The following MELK variants were observed in gnomAD, a reference collection of about 807,000 sequenced individuals.
MELK encodes the protein pEg3 kinase.
MELK carries 81 observed loss-of-function variants against 85.0 expected under a neutral mutation model. The ratio of observed to expected loss-of-function variants is 0.95; its 90% confidence interval spans 0.80 to 1.15. The LOEUF (loss-of-function observed/expected upper bound fraction) is 1.15. Among genes scored for constraint, MELK ranks in the 50% most tolerant of loss-of-function variants. The pLI, the probability that MELK is intolerant of heterozygous loss-of-function variation, is 0.00. For missense variants in MELK, 754 were observed against 777.5 expected (o/e 0.97, Z 0.36); for synonymous variants, 252 against 265.0 (o/e 0.95, Z 0.48).
chr9:36,590,281 T>G (rs1264181487), intron 4 of MELK, among the ~76,000 whole-genome samples: 2 of 152,122 alleles, frequency 1.3e-5, no homozygotes, highest in Non-Finnish European at 2.9e-5. Flanking sequence ...TACTACAGAC[T>G]TGGTGGCTTA....
intron 2 of MELK, 50 bp downstream of exon 2, chr9:36,581,789 G>A (rs1341022451): frequency 6.9e-7 from 1 of 1,449,478 alleles, no homozygotes; most frequent in Non-Finnish European, 9.6e-7. Flanking sequence ...CTATTTGAGA[G>A]TATAGATTAT....
chr9:36,593,828 A>T, intron 4 of MELK, among the ~76,000 whole-genome samples: 1 of 152,082 alleles, frequency 6.6e-6, no homozygotes, highest in East Asian at 1.9e-4. Context: ...AGTAGCTGGG[A>T]TTACAGGCGC....
intron 8 of MELK, among the ~76,000 whole-genome samples, chr9:36,620,434 G>A (rs997342531): frequency 6.6e-6 from 1 of 152,052 alleles, no homozygotes; most frequent in Admixed American, 6.6e-5. Context: ...CAGCATTAGA[G>A]CATTGCAGTA....
At chr9:36,586,594 G>C (rs1822926708) in intron 3 of MELK, among the ~76,000 whole-genome samples, 1 of 152,002 alleles carries the variant, frequency 6.6e-6, no homozygotes. Flanking sequence ...TTAAACATGA[G>C]TATCAATTAG....
At chr9:36,630,477 T>A in intron 9 of MELK, 110 bp downstream of exon 9, 1 of 840,428 alleles carries the variant, frequency 1.2e-6, no homozygotes, top group South Asian at 1.5e-5. Flanking sequence ...ATCCCACTCA[T>A]ATCTACCTTG....
At position 36,642,983 on chromosome 9, in the gene MELK, A is replaced by AT. The variant is rs764311035; in HGVS notation, c.835-5dup. 1.4e-4 allele frequency: 227 copies of AT among 1,566,154 alleles called. No individual in the cohort carries two copies. Among genetic ancestry groups the AT allele is most frequent in the Admixed American group, 2.7e-4 (15 of 54,618 alleles). On this transcript the variant is annotated splice_polypyrimidine_tract_variant and intron_variant, in intron 10 of 17. Coordinates refer to ENST00000298048, the MANE Select transcript of MELK (RefSeq NM_014791.4). The stretch of plus-strand genomic sequence containing the variant: ...TAATTTTTTGTTAATAAAGTGCATA[A>AT]TTTTTTTTTGTAGTTTATTCACCTC...
chr9:36,653,976 G>T lies in MELK; in HGVS notation c.1053+2099G>T, dbSNP rs373974907. Among the ~76,000 whole-genome samples, 7 of 151,660 alleles carry T rather than the reference G, an allele frequency of 4.6e-5. No individual in the cohort carries two copies. The South Asian group carries it at 8.4e-4, about 18-fold the overall frequency. On this transcript the variant is annotated intron_variant, in intron 12 of 17. Transcript: ENST00000298048. Reference sequence around the variant, plus strand: ...GCCCCTCTTTTTCCCTCCCTAGTTGGTCAGTGCACTGGCTGTTGTGTAAAG... The same window carrying T: ...GCCCCTCTTTTTCCCTCCCTAGTTGTTCAGTGCACTGGCTGTTGTGTAAAG...
Position 36,665,450 on chromosome 9 carries a change from T to G in MELK, c.1277T>G (p.Val426Gly), listed in dbSNP as rs548729347. Reference protein sequence around the residue: ...PANKLKNKENVYTPKSAVKNE... With the variant: ...PANKLKNKENGYTPKSAVKNE... The stretch of plus-strand genomic sequence containing the variant: ...AATAAATTAAAGAACAAAGAAAATG[T>G]ATATACTCCTAAGTCTGCTGTAAAG... The change falls in exon 14 of 18, where the codon GTA becomes GGA. Residue 426 changes from valine (V) to glycine (G), a missense_variant. Coordinates refer to ENST00000298048, the MANE Select transcript of MELK (RefSeq NM_014791.4). 1 of 1,613,142 alleles carries G rather than the reference T, an allele frequency of 6.2e-7. No homozygotes were observed. The highest frequency in any genetic ancestry group is 1.7e-5 in the Admixed American group (1 of 60,006).
chr9:36,580,038 C>CT lies in MELK; in HGVS notation c.-38-1584dup, dbSNP rs58166111. 9.3e-3 allele frequency among the ~76,000 whole-genome samples: 1,099 copies of CT among 117,938 alleles called. 16 individuals are homozygous for CT. Among genetic ancestry groups the CT allele is most frequent in the African/African-American group, 0.018 (598 of 32,480 alleles). 77.4% of individuals were successfully genotyped at this position (117,938 alleles called of 152,430 possible). A position where few individuals can be genotyped will look rare whatever the true frequency, so the allele number is the denominator to read the frequency against. On this transcript the variant is annotated intron_variant, in intron 1 of 17. Transcript: ENST00000298048. ...ACTACTGATAATTTTTTCATGTCTT[C>CT]TTTTTTTTTTTTTTTTTTTTTTATT...
intron 8 of MELK, among the ~76,000 whole-genome samples, chr9:36,622,245 T>G (rs1827516750): frequency 1.3e-5 from 2 of 152,338 alleles, no homozygotes; most frequent in South Asian, 2.1e-4. Flanking sequence ...TAATCTTGGC[T>G]CAGAACTATT....
chr9:36,636,782 T>TTCTTTCTTTCTGTCTGTCTG lies in MELK; in HGVS notation c.834+3585_834+3586insTTCTTTCTGTCTGTCTGTCT, dbSNP rs71494635. Among the ~76,000 whole-genome samples, 498 of 107,606 alleles carry TTCTTTCTTTCTGTCTGTCTG rather than the reference T, an allele frequency of 4.6e-3. 5 individuals carry two copies. The highest frequency in any genetic ancestry group is 0.017 in the Middle Eastern group (4 of 232). The allele number at this position is 107,606 out of a possible 152,430, so 70.6% of individuals were successfully genotyped here. A position where few individuals can be genotyped will look rare whatever the true frequency, so the allele number is the denominator to read the frequency against. Reference sequence around the variant, plus strand: ...TTTCTTTCTTTCTTTCTTTCTTTCTTTCTGTCTGTCTTTCTTTCTTTCTGT... The same window carrying TTCTTTCTTTCTGTCTGTCTG: ...TTTCTTTCTTTCTTTCTTTCTTTCTTTCTTTCTTTCTGTCTGTCTGTCTGTCTGTCTTTCTTTCTTTCTGT... On this transcript the variant is annotated intron_variant, in intron 10 of 17. Coordinates refer to ENST00000298048, the MANE Select transcript of MELK (RefSeq NM_014791.4).
chr9:36,641,651 A>T, intron 10 of MELK, among the ~76,000 whole-genome samples: 1 of 135,750 alleles, frequency 7.4e-6, no homozygotes, highest in African/African-American at 2.8e-5. Flanking sequence ...GTTGTTGCCC[A>T]GCCTGGAGTG....
In MELK at chr9:36,585,269, ATCTTTTTTT is replaced by A. The variant is rs1024616475; in HGVS notation, c.144+1561_144+1569del. Among the ~76,000 whole-genome samples, 5 of 124,174 alleles carry A rather than the reference ATCTTTTTTT, an allele frequency of 4.0e-5. No homozygotes were observed. The South Asian group carries it at 7.9e-4, about 20-fold the overall frequency. The allele number at this position is 124,174 out of a possible 152,430, so 81.5% of individuals were successfully genotyped here. A position where few individuals can be genotyped will look rare whatever the true frequency, so the allele number is the denominator to read the frequency against. ...CCAGTGTTTGAAGTCACCTTGAGTC[ATCTTTTTTT>A]TCTAATTCCTTCTACCATTCTTTGT... On this transcript the variant is annotated intron_variant, in intron 3 of 17. Transcript: ENST00000298048.
chr9:36,637,571 T>C (rs974996134), intron 10 of MELK, among the ~76,000 whole-genome samples: 4 of 152,212 alleles, frequency 2.6e-5, no homozygotes, highest in African/African-American at 9.6e-5. Context: ...TTCTCTGATA[T>C]GTCACCAAAA....
chr9:36,674,554 T>C (rs1247224573), intron 16 of MELK, among the ~76,000 whole-genome samples: 5 of 152,198 alleles, frequency 3.3e-5, no homozygotes, highest in Admixed American at 6.5e-5. Context: ...AGATGGGTGC[T>C]CTTTAATATT....
chr9:36,665,288 T>C, intron 13 of MELK, 62 bp from the exon 14 acceptor site: 1 of 965,950 alleles, frequency 1.0e-6, no homozygotes, highest in Non-Finnish European at 1.6e-6. Flanking sequence ...GATCAAGGAA[T>C]GTTGTAAAGA....
In MELK at chr9:36,657,791, G is replaced by GC. The variant is rs1831402376; in HGVS notation, c.1176+429dup. Among the ~76,000 whole-genome samples, 4 of 152,064 alleles carry GC rather than the reference G, an allele frequency of 2.6e-5. No homozygotes were observed. In the South Asian group the frequency reaches 6.2e-4, roughly 24 times the overall value. ...GTAGAGACAGGGTTTCACCATGTTG[G>GC]CAGCTGGTCTCGAACTCCTGACCTC... On this transcript the variant is annotated intron_variant, in intron 13 of 17. Transcript: ENST00000298048.
intron 1 of MELK, among the ~76,000 whole-genome samples, chr9:36,577,330 T>C (rs908349436): frequency 2.0e-5 from 3 of 151,818 alleles, no homozygotes; most frequent in Non-Finnish European, 2.9e-5. Flanking sequence ...CTGGCCAACA[T>C]GGCGAAACCC....
At chr9:36,578,904 A>G (rs1035902223) in intron 1 of MELK, among the ~76,000 whole-genome samples, 1 of 152,100 alleles carries the variant, frequency 6.6e-6, no homozygotes, top group Non-Finnish European at 1.5e-5. Flanking sequence ...GTGCAGTGGC[A>G]CGATCTTGGC....
Sources: gnomAD v4.1 joint callset for allele counts (sites outside exome capture counted in the v4.1 genomes callset) on GRCh38, gnomAD v4.1.1 for gene constraint, MANE v1.5 for transcripts, NCBI Gene and HGNC (gene_info 2026-07-23, HGNC 2026-07-21) for gene names.